KCNH8: variants seen among roughly 807,000 people sequenced by gnomAD.
KCNH8 encodes the protein voltage-gated delayed rectifier potassium channel KCNH8.
A neutral mutation model predicts 103.6 loss-of-function variants in KCNH8; 70 were observed. The observed-to-expected ratio is 0.68, with a 90% CI of 0.56 to 0.82. KCNH8 has a LOEUF of 0.82. Among genes scored for constraint, KCNH8 ranks in the 40% least tolerant of loss-of-function variants. KCNH8 has a pLI of 0.00. For synonymous variants in KCNH8, 498 were observed against 489.4 expected, an observed-to-expected ratio of 1.02 and a Z score of -0.23; for missense variants, 1,217 against 1,329.9, an observed-to-expected ratio of 0.92 and a Z score of 1.32.
At chr3:19,394,474 G>T (rs574418023) in intron 6 of KCNH8, among the ~76,000 whole-genome samples, 1 of 148,832 alleles carries the variant, frequency 6.7e-6, no homozygotes. Context: ...CTGAGAGAGC[G>T]CTGAGAGAGA....
At chr3:19,500,618 T>A (rs965714207) in intron 11 of KCNH8, among the ~76,000 whole-genome samples, 1 of 152,138 alleles carries the variant, frequency 6.6e-6, no homozygotes, top group African/African-American at 2.4e-5. Context: ...GAATTCAGGA[T>A]TAAGAATCTC....
At chr3:19,511,854 A>G (rs1409061166) in intron 12 of KCNH8, among the ~76,000 whole-genome samples, 2 of 152,182 alleles carry the variant, frequency 1.3e-5, no homozygotes, top group Non-Finnish European at 2.9e-5. Flanking sequence ...TGAACGGGCT[A>G]TTGCCTATAA....
At position 19,450,310 on chromosome 3, in the gene KCNH8, T is replaced by C. The variant is rs1217997654; in HGVS notation, c.1575+5T>C. The C allele has an allele frequency of 7.5e-6, 12 of 1,601,026 alleles. No homozygotes were observed. The highest frequency in any genetic ancestry group is 1.0e-5 in the Non-Finnish European group (12 of 1,168,326). On this transcript the variant is annotated splice_donor_5th_base_variant and intron_variant, in intron 9 of 15. Coordinates refer to ENST00000328405, the MANE Select transcript of KCNH8 (RefSeq NM_144633.3). ...AATGGAATAGATTCAAATGAGGTAATGTTCATTTCTCATGTTGTTTTCAGG... is the reference window on the plus strand; with the variant it reads ...AATGGAATAGATTCAAATGAGGTAACGTTCATTTCTCATGTTGTTTTCAGG...
At chr3:19,184,332 A>G (rs2063482781) in intron 1 of KCNH8, among the ~76,000 whole-genome samples, 1 of 152,066 alleles carries the variant, frequency 6.6e-6, no homozygotes, top group Non-Finnish European at 1.5e-5. Flanking sequence ...CATATTAAAA[A>G]TACTGTATAC....
chr3:19,467,621 G>A (rs2067769126), intron 11 of KCNH8, among the ~76,000 whole-genome samples: 2 of 152,148 alleles, frequency 1.3e-5, no homozygotes, highest in South Asian at 4.1e-4. Context: ...CATGGTGGGA[G>A]TAGGAGCTGA....
chr3:19,430,526 C>T (rs1486960583), intron 7 of KCNH8, among the ~76,000 whole-genome samples: 1 of 151,888 alleles, frequency 6.6e-6, no homozygotes, highest in African/African-American at 2.4e-5. Context: ...TGAAGAATGC[C>T]AATGGTAGTT....
At chr3:19,287,572 TTTGTTGTTGTTG>T (rs113159230) in intron 3 of KCNH8, among the ~76,000 whole-genome samples, 1 of 150,666 alleles carries the variant, frequency 6.6e-6, no homozygotes, top group Non-Finnish European at 1.5e-5. Flanking sequence ...CAGTCCACTT[TTTGTTGTTGTTG>T]TTGTTGTTGT....
chr3:19,221,119 A>G (rs2063869460), intron 1 of KCNH8, among the ~76,000 whole-genome samples: 1 of 152,230 alleles, frequency 6.6e-6, no homozygotes, highest in Non-Finnish European at 1.5e-5. Flanking sequence ...AAAGGGAATG[A>G]TAAGTTGAGA....
At chr3:19,443,879 G>C (rs1211557537) in intron 8 of KCNH8, among the ~76,000 whole-genome samples, 1 of 152,082 alleles carries the variant, frequency 6.6e-6, no homozygotes, top group East Asian at 1.9e-4. Context: ...CAAAACATTA[G>C]TGAGAAAATA....
chr3:19,219,482 G>A (rs917827166), intron 1 of KCNH8, among the ~76,000 whole-genome samples: 9 of 152,088 alleles, frequency 5.9e-5, no homozygotes, highest in South Asian at 2.1e-4. Flanking sequence ...CTTAACAACA[G>A]GTCAAAAAAT....
In KCNH8 at chr3:19,527,127, A is replaced by C. The variant is rs111844142; in HGVS notation, c.2620-6268A>C. ...TCAAACTTTGGACTTGAAATACAGG[A>C]CCTTAATCTACATTTTCCAATGGCA... On this transcript the variant is annotated intron_variant, in intron 15 of 15. Transcript: ENST00000328405. 1.3e-3 allele frequency among the ~76,000 whole-genome samples: 196 copies of C among 152,010 alleles called. 2 individuals carry two copies. Among genetic ancestry groups the C allele is most frequent in the African/African-American group, 4.2e-3 (174 of 41,502 alleles).
intron 2 of KCNH8, among the ~76,000 whole-genome samples, chr3:19,262,429 A>T (rs1434919696): frequency 6.6e-6 from 1 of 152,042 alleles, no homozygotes; most frequent in African/African-American, 2.4e-5. Context: ...TATGTCATCT[A>T]GTTATTTCAG....
chr3:19,278,017 G>T (rs2064699477), intron 2 of KCNH8, among the ~76,000 whole-genome samples: 1 of 152,084 alleles, frequency 6.6e-6, no homozygotes. Context: ...TTGTTGCACT[G>T]GGCCTGAATT....
chr3:19,504,849 T>A (rs1428941309), intron 11 of KCNH8, among the ~76,000 whole-genome samples: 1 of 151,906 alleles, frequency 6.6e-6, no homozygotes, highest in Non-Finnish European at 1.5e-5. Context: ...GAATATACAT[T>A]GTTCTACCAT....
intron 10 of KCNH8, among the ~76,000 whole-genome samples, chr3:19,454,701 G>T (rs1342276863): frequency 6.6e-6 from 1 of 151,996 alleles, no homozygotes; most frequent in Non-Finnish European, 1.5e-5. Flanking sequence ...ACTACTTACG[G>T]CTGAAAGACT....
intron 2 of KCNH8, among the ~76,000 whole-genome samples, chr3:19,259,058 A>G (rs960612468): frequency 6.1e-5 from 9 of 148,456 alleles, no homozygotes; most frequent in South Asian, 4.2e-4. Flanking sequence ...AGGAAATACA[A>G]CTATTTATTT....
intron 15 of KCNH8, among the ~76,000 whole-genome samples, chr3:19,523,761 CTAA>C (rs1388694389): frequency 1.4e-4 from 22 of 151,866 alleles, no homozygotes; most frequent in African/African-American, 5.3e-4. Context: ...CTGGCAAACG[CTAA>C]TAATATCTAC....
intron 2 of KCNH8, among the ~76,000 whole-genome samples, chr3:19,257,445 T>A (rs2064360931): frequency 6.6e-6 from 1 of 152,068 alleles, no homozygotes; most frequent in Non-Finnish European, 1.5e-5. Context: ...ATGTCCTATT[T>A]GTTTTCTTCC....
At chr3:19,512,852 A>T in intron 12 of KCNH8, 118 bp from the exon 13 acceptor site, 3 of 892,308 alleles carry the variant, frequency 3.4e-6, no homozygotes, top group Non-Finnish European at 5.2e-6. Context: ...CTTCAGTTTT[A>T]ATGAAAAGTA....
Sources: allele counts gnomAD v4.1 joint callset (sites outside exome capture counted in the v4.1 genomes callset), GRCh38; gene constraint gnomAD v4.1.1; transcripts MANE v1.5; gene names NCBI Gene and HGNC (gene_info 2026-07-23, HGNC 2026-07-21).